The following ROBO1 variants were observed in gnomAD, a reference collection of about 807,000 sequenced individuals.
ROBO1 encodes roundabout guidance receptor 1, also known as roundabout homolog 1.
ROBO1 carries 149 observed loss-of-function variants against 195.9 expected under a neutral mutation model. That is an observed-to-expected ratio of 0.76 (90% CI 0.67 to 0.87). The LOEUF is 0.87. Among genes scored for constraint, ROBO1 ranks in the 40% least tolerant of loss-of-function variants. The pLI, the probability that ROBO1 is intolerant of heterozygous loss-of-function variation, is 0.00. For synonymous variants in ROBO1, 816 were observed against 733.2 expected, an observed-to-expected ratio of 1.11 and a Z score of -1.82; for missense variants, 1,933 against 2,068.3, an observed-to-expected ratio of 0.93 and a Z score of 1.27.
chr3:79,060,071 C>T (rs527913589), intron 3 of ROBO1, among the ~76,000 whole-genome samples: 26 of 152,064 alleles, frequency 1.7e-4, no homozygotes, highest in Middle Eastern at 3.4e-3. Flanking sequence ...CTAAAATGGT[C>T]GCTCTGAGAG....
At chr3:78,884,414 C>T (rs1042625330) in intron 4 of ROBO1, among the ~76,000 whole-genome samples, 4 of 151,732 alleles carry the variant, frequency 2.6e-5, no homozygotes, top group African/African-American at 9.7e-5. Flanking sequence ...GAGTTCAAGA[C>T]CAGACAGAGC....
intron 2 of ROBO1, among the ~76,000 whole-genome samples, chr3:79,208,830 A>G (rs13080250): frequency 6.6e-6 from 1 of 151,808 alleles, no homozygotes; most frequent in African/African-American, 2.4e-5. Context: ...CCAGAGCTAG[A>G]TCTTGAATGA....
In ROBO1 at chr3:79,264,106, A is replaced by G. The variant is rs1039381892; in HGVS notation, c.89-138567T>C. Among the ~76,000 whole-genome samples the G allele has an allele frequency of 3.9e-5, 6 of 152,032 alleles. No homozygotes were observed. The East Asian group carries it at 7.7e-4, about 20-fold the overall frequency. On this transcript the variant is annotated intron_variant, in intron 2 of 30. Transcript: ENST00000464233. ...AATTTTAAATTCAACAATGGCAAAC[A>G]TCAGATGATGTTAGTCCAAGCTTTG... is the stretch of plus-strand genomic sequence containing the variant.
intron 4 of ROBO1, among the ~76,000 whole-genome samples, chr3:78,885,944 T>C (rs1459416213): frequency 1.4e-5 from 2 of 143,686 alleles, no homozygotes; most frequent in Non-Finnish European, 3.0e-5. Flanking sequence ...TATATATACA[T>C]ACATATATAT....
At chr3:78,845,286 G>T (rs1183333517) in intron 4 of ROBO1, among the ~76,000 whole-genome samples, 1 of 151,376 alleles carries the variant, frequency 6.6e-6, no homozygotes, top group Admixed American at 6.6e-5. Flanking sequence ...GATTTAATAT[G>T]AAAAAAGTGT....
At chr3:78,938,512 T>C (rs377011725) in intron 4 of ROBO1, 89 bp downstream of exon 4, 3 of 1,134,664 alleles carry the variant, frequency 2.6e-6, no homozygotes, top group African/African-American at 1.6e-5. Context: ...AGGCCTGAGA[T>C]ACAAATTCGA....
intron 2 of ROBO1, among the ~76,000 whole-genome samples, chr3:79,249,140 G>A (rs2082676230): frequency 6.6e-6 from 1 of 152,062 alleles, no homozygotes; most frequent in African/African-American, 2.4e-5. Flanking sequence ...AAAACAAACA[G>A]ACTAATACAC....
At chr3:79,523,567 G>A (rs1941306904) in intron 2 of ROBO1, among the ~76,000 whole-genome samples, 1 of 149,826 alleles carries the variant, frequency 6.7e-6, no homozygotes, top group Admixed American at 6.7e-5. Context: ...CCGCCTCCTG[G>A]ATTCAAGCTA....
chr3:79,231,033 C>T (rs2108851193), intron 2 of ROBO1, among the ~76,000 whole-genome samples: 1 of 152,226 alleles, frequency 6.6e-6, no homozygotes, highest in East Asian at 1.9e-4. Context: ...AAGACTGAAG[C>T]TGGACCCCTT....
chr3:79,605,196 G>C (rs1944445897), intron 1 of ROBO1, among the ~76,000 whole-genome samples: 1 of 150,766 alleles, frequency 6.6e-6, no homozygotes, highest in Admixed American at 6.6e-5. Context: ...TATACTCCTT[G>C]TTTTCCTCCT....
chr3:79,375,451 G>A (rs2109351866), intron 2 of ROBO1, among the ~76,000 whole-genome samples: 1 of 152,278 alleles, frequency 6.6e-6, no homozygotes, highest in South Asian at 2.1e-4. Context: ...CAGTTCCAGA[G>A]CAATAGCAAA....
At position 78,645,408 on chromosome 3, in the gene ROBO1, A is replaced by ATT. The variant is rs796750939; in HGVS notation, c.2882+738_2882+739dup. Among the ~76,000 whole-genome samples the ATT allele has an allele frequency of 1.7e-4, 24 of 142,854 alleles. No individual in the cohort carries two copies. In the South Asian group the frequency reaches 2.6e-3, roughly 16 times the overall value. 93.7% of individuals were successfully genotyped at this position (142,854 alleles called of 152,430 possible). A position where few individuals can be genotyped will look rare whatever the true frequency, so the allele number is the denominator to read the frequency against. ...ATTATAAGATGGTTTTGGTTGGAAG[A>ATT]TTTTTTTTTTTTTACACTGTAAGCT... On this transcript the variant is annotated intron_variant, in intron 21 of 30. Transcript: ENST00000464233.
chr3:79,051,804 T>G (rs1477222677), intron 3 of ROBO1, among the ~76,000 whole-genome samples: 1 of 152,124 alleles, frequency 6.6e-6, no homozygotes, highest in Non-Finnish European at 1.5e-5. Context: ...TTTACTGCAA[T>G]CTCTGAACAT....
At chr3:79,546,652 T>C (rs1356907583) in intron 2 of ROBO1, among the ~76,000 whole-genome samples, 11 of 152,156 alleles carry the variant, frequency 7.2e-5, no homozygotes, top group Non-Finnish European at 2.9e-5. Flanking sequence ...GGACAATCAT[T>C]ACAGACCATG....
chr3:78,825,842 T>G (rs1183223783), intron 4 of ROBO1, among the ~76,000 whole-genome samples: 2 of 152,190 alleles, frequency 1.3e-5, no homozygotes, highest in Admixed American at 6.5e-5. Context: ...CTTAATTAAA[T>G]CTGTCATATC....
rs137944206 is a variant in ROBO1, at chr3:79,743,878, C to T, written c.-51+23874G>A. 2.3e-3 allele frequency among the ~76,000 whole-genome samples: 352 copies of T among 152,240 alleles called. 7 individuals carry two copies. The East Asian group carries it at 0.042, about 18-fold the overall frequency. On this transcript the variant is annotated intron_variant, in intron 1 of 30. Transcript: ENST00000464233. ...GGAAGGACTGCAGAACAATAGCACA[C>T]GGAGCCGTCGTCTCTACGGTAACAC...
intron 2 of ROBO1, among the ~76,000 whole-genome samples, chr3:79,264,690 A>G (rs1331860177): frequency 6.6e-6 from 1 of 151,968 alleles, no homozygotes; most frequent in Non-Finnish European, 1.5e-5. Flanking sequence ...AAGCATAGTT[A>G]TAGACCCGTA....
chr3:79,167,144 A>T (rs1021873553), intron 2 of ROBO1, among the ~76,000 whole-genome samples: 4 of 151,744 alleles, frequency 2.6e-5, no homozygotes, highest in Non-Finnish European at 5.9e-5. Context: ...GATAATATTG[A>T]TTATAAAATT....
chr3:79,003,352 C>T (rs2077549330), intron 3 of ROBO1, among the ~76,000 whole-genome samples: 1 of 152,034 alleles, frequency 6.6e-6, no homozygotes, highest in African/African-American at 2.4e-5. Context: ...TCAGGGTCTA[C>T]ACCCAGAACT....
Sources: gnomAD v4.1 joint callset for allele counts (sites outside exome capture counted in the v4.1 genomes callset) on GRCh38, gnomAD v4.1.1 for gene constraint, MANE v1.5 for transcripts, NCBI Gene and HGNC (gene_info 2026-07-23, HGNC 2026-07-21) for gene names.